The following PDE11A variants were observed in gnomAD, a reference collection of about 807,000 sequenced individuals.
PDE11A encodes dual 3',5'-cyclic-AMP and -GMP phosphodiesterase 11A.
Under a neutral mutation model 100.5 loss-of-function variants are expected in PDE11A, and 100 were observed. The observed-to-expected ratio is 1.00, with a 90% CI of 0.85 to 1.18. The LOEUF (loss-of-function observed/expected upper bound fraction) is 1.18, where lower values mean the gene tolerates loss of function less well. Among genes scored for constraint, PDE11A ranks in the 50% most tolerant of loss-of-function variants. PDE11A has a pLI of 0.00. For synonymous variants in PDE11A, 381 were observed against 420.8 expected, an observed-to-expected ratio of 0.91 and a Z score of 1.16; for missense variants, 1,141 against 1,152.6, an observed-to-expected ratio of 0.99 and a Z score of 0.15.
intron 2 of PDE11A, chr2:177,997,834 T>C (rs890582057): frequency 1.5e-6 from 2 of 1,354,520 alleles, no homozygotes; most frequent in African/African-American, 1.4e-5. Flanking sequence ...TTCCAATAAC[T>C]TATCAAATAG....
At chr2:177,779,354 A>T (rs2082421289) in intron 9 of PDE11A, among the ~76,000 whole-genome samples, 1 of 152,218 alleles carries the variant, frequency 6.6e-6, no homozygotes, top group South Asian at 2.1e-4. Flanking sequence ...ATAAAATAAG[A>T]CAATGAGGTT....
rs190728182 is a variant in PDE11A, at chr2:177,793,462, G to T, written c.1737+23367C>A. Among the ~76,000 whole-genome samples, 78 of 150,742 alleles carry T rather than the reference G, an allele frequency of 5.2e-4. 1 individual carries two copies. In the East Asian group the frequency reaches 0.01, roughly 20 times the overall value. On this transcript the variant is annotated intron_variant, in intron 9 of 19. Coordinates refer to ENST00000286063, the MANE Select transcript of PDE11A (RefSeq NM_016953.4). ...ACTGGAGGTGGGCAAGAGTGGATGT[G>T]GGAGGGAAAACAGTGGCTGGATGAG... is the stretch of plus-strand genomic sequence containing the variant.
intron 10 of PDE11A, among the ~76,000 whole-genome samples, chr2:177,737,887 G>A (rs1470578629): frequency 6.6e-6 from 1 of 152,148 alleles, no homozygotes; most frequent in Non-Finnish European, 1.5e-5. Context: ...GGCAGTAACT[G>A]GCACATGGGA....
chr2:177,757,874 A>G (rs565364933), intron 10 of PDE11A, among the ~76,000 whole-genome samples: 2 of 152,260 alleles, frequency 1.3e-5, no homozygotes, highest in South Asian at 4.2e-4. Flanking sequence ...TGGGACTGTA[A>G]CAGACTTGCA....
chr2:177,820,945 G>A (rs1386624922), intron 6 of PDE11A, among the ~76,000 whole-genome samples: 1 of 151,820 alleles, frequency 6.6e-6, no homozygotes, highest in Non-Finnish European at 1.5e-5. Context: ...AAAAACAGTG[G>A]TCCATATTTG....
chr2:177,846,717 T>C (rs940970767), intron 5 of PDE11A, among the ~76,000 whole-genome samples: 20 of 152,344 alleles, frequency 1.3e-4, no homozygotes, highest in African/African-American at 4.8e-4. Context: ...TGTGCTTGTT[T>C]GCTTGAAGTT....
At chr2:178,026,404 G>A (rs550611577) in intron 1 of PDE11A, among the ~76,000 whole-genome samples, 2 of 152,172 alleles carry the variant, frequency 1.3e-5, no homozygotes, top group Non-Finnish European at 2.9e-5. Context: ...GCCAACACCT[G>A]TAATCCCAGC....
chr2:177,843,885 G>A (rs975768293), intron 5 of PDE11A, among the ~76,000 whole-genome samples: 3 of 152,174 alleles, frequency 2.0e-5, no homozygotes, highest in East Asian at 1.9e-4. Flanking sequence ...TGCTGAAGAC[G>A]TCCATGGAGG....
intron 1 of PDE11A, among the ~76,000 whole-genome samples, chr2:178,045,199 A>G (rs565386037): frequency 6.6e-6 from 1 of 152,296 alleles, no homozygotes; most frequent in East Asian, 1.9e-4. Context: ...ATATGCAAGT[A>G]TAAGACCTGC....
intron 2 of PDE11A, among the ~76,000 whole-genome samples, chr2:177,969,898 G>GA (rs1384353981): frequency 6.6e-6 from 1 of 151,760 alleles, no homozygotes; most frequent in Non-Finnish European, 1.5e-5. Context: ...ATACAATGTT[G>GA]AAAAAAAATT....
At chr2:177,929,846 T>C (rs78283805) in intron 2 of PDE11A, among the ~76,000 whole-genome samples, 1,736 of 152,318 alleles carry the variant, frequency 0.011, 27 homozygotes, top group East Asian at 0.074. Context: ...AAGACAGCAA[T>C]AGGATCTGTA....
rs183063924 is a variant in PDE11A, at chr2:177,906,167, A to T, written c.1072-980T>A. ...CTCTATGTCTCTCTGTCTCTCTCTC[A>T]CACACACACACACGCACGCACGCAC... is the stretch of plus-strand genomic sequence containing the variant. On this transcript the variant is annotated intron_variant, in intron 2 of 19. Coordinates refer to ENST00000286063, the MANE Select transcript of PDE11A (RefSeq NM_016953.4). 1.5e-4 allele frequency among the ~76,000 whole-genome samples: 21 copies of T among 136,140 alleles called. No individual in the cohort carries two copies. The East Asian group carries it at 1.9e-3, about 12-fold the overall frequency. 89.3% of individuals were successfully genotyped at this position (136,140 alleles called of 152,430 possible).
Position 177,640,763 on chromosome 2 carries a change from G to A in PDE11A, c.2647-11201C>T, listed in dbSNP as rs529943629. Reference sequence around the variant, plus strand: ...TGTAGAGGCCAGAAACTCAGTGGACGGACTGTTTACAACTGAATTCCTCAC... The same window carrying A: ...TGTAGAGGCCAGAAACTCAGTGGACAGACTGTTTACAACTGAATTCCTCAC... On this transcript the variant is annotated intron_variant, in intron 19 of 19. Transcript: ENST00000286063. 1.5e-4 allele frequency among the ~76,000 whole-genome samples: 23 copies of A among 152,260 alleles called. No individual in the cohort carries two copies. In the East Asian group the frequency reaches 3.7e-3, roughly 24 times the overall value.
intron 9 of PDE11A, among the ~76,000 whole-genome samples, chr2:177,791,779 A>T (rs2082636811): frequency 6.6e-6 from 1 of 152,200 alleles, no homozygotes; most frequent in Admixed American, 6.5e-5. Context: ...TATTGCTTTT[A>T]CTATATTTTG....
At chr2:177,972,779 G>T (rs17402102) in intron 2 of PDE11A, among the ~76,000 whole-genome samples, 9,552 of 152,228 alleles carry the variant, frequency 0.063, 312 homozygotes, top group South Asian at 0.094. Flanking sequence ...CAGTTTACAG[G>T]TAAGGCTCCT....
At chr2:177,969,812 C>T (rs1460084620) in intron 2 of PDE11A, among the ~76,000 whole-genome samples, 1 of 152,050 alleles carries the variant, frequency 6.6e-6, no homozygotes, top group Non-Finnish European at 1.5e-5. Flanking sequence ...GAAGACTAGT[C>T]ATTCTAAAGA....
At chr2:177,924,434 T>C (rs1194261455) in intron 2 of PDE11A, among the ~76,000 whole-genome samples, 3 of 152,168 alleles carry the variant, frequency 2.0e-5, no homozygotes, top group Non-Finnish European at 4.4e-5. Flanking sequence ...GACTAACTCT[T>C]GCAAGTTAGT....
chr2:178,034,252 C>A (rs963243275), intron 1 of PDE11A, among the ~76,000 whole-genome samples: 8 of 152,124 alleles, frequency 5.3e-5, no homozygotes, highest in African/African-American at 1.7e-4. Context: ...CAATCCTAGT[C>A]TCTGATAAAA....
At chr2:177,662,240 GC>G (rs2080495019) in intron 19 of PDE11A, among the ~76,000 whole-genome samples, 2 of 152,154 alleles carry the variant, frequency 1.3e-5, no homozygotes, top group African/African-American at 2.4e-5. Context: ...ATCCTTTACA[GC>G]CTTTCCTATA....
Sources: allele counts gnomAD v4.1 joint callset (sites outside exome capture counted in the v4.1 genomes callset), GRCh38; gene constraint gnomAD v4.1.1; transcripts MANE v1.5; gene names NCBI Gene and HGNC (gene_info 2026-07-23, HGNC 2026-07-21).